Variants in PCDHGA3 observed in about 807,000 individuals in gnomAD.
PCDHGA3 encodes protocadherin gamma subfamily A, 3.
PCDHGA3 carries 40 observed loss-of-function variants against 58.5 expected under a neutral mutation model. The observed-to-expected ratio is 0.68, with a 90% CI of 0.53 to 0.89. The LOEUF (loss-of-function observed/expected upper bound fraction) is 0.89, where lower values mean the gene tolerates loss of function less well. PCDHGA3 is among the 40% of genes least tolerant of loss of function. The pLI, the probability that PCDHGA3 is intolerant of heterozygous loss-of-function variation, is 0.00. For missense variants in PCDHGA3, 1,223 were observed against 1,195.9 expected (o/e 1.02, Z -0.33); for synonymous variants, 530 against 525.7 (o/e 1.01, Z -0.11).
chr5:141,454,948 C>T (rs2098807728), intron 1 of PCDHGA3, among the ~76,000 whole-genome samples: 1 of 151,548 alleles, frequency 6.6e-6, no homozygotes, highest in Non-Finnish European at 1.5e-5. Flanking sequence ...GCTGGGACTA[C>T]AGGCGCCGGC....
Position 141,420,431 on chromosome 5 carries a change from A to G in PCDHGA3, c.2424+73974A>G, listed in dbSNP as rs183252328. 8.4e-5 allele frequency: 96 copies of G among 1,148,758 alleles called. No individual in the cohort carries two copies. In the African/African-American group the frequency reaches 1.3e-3, roughly 16 times the overall value. The allele number at this position is 1,148,758 out of a possible 1,614,324, so 71.2% of individuals were successfully genotyped here. Reference sequence around the variant, plus strand: ...TATCATTATTAAAACAAAAGTTTAAATTAAATGCCTCAGTCTTCCTACTAT... The same window carrying G: ...TATCATTATTAAAACAAAAGTTTAAGTTAAATGCCTCAGTCTTCCTACTAT... On this transcript the variant is annotated intron_variant, in intron 1 of 3. Transcript: ENST00000253812.
chr5:141,403,961 G>T (rs763967342), intron 1 of PCDHGA3: 14 of 1,613,774 alleles, frequency 8.7e-6, no homozygotes, highest in Middle Eastern at 1.6e-4. Context: ...GCTCATTTCG[G>T]TGGAAGATGT....
Position 141,489,752 on chromosome 5 carries a change from C to G in PCDHGA3, c.2425-5055C>G. ...GGCACCAATACTGTGAGCTTTTACA[C>G]TCTAAGCCCCAACAGCCACTTCTCT... On this transcript the variant is annotated intron_variant, in intron 1 of 3. Coordinates refer to ENST00000253812, the MANE Select transcript of PCDHGA3 (RefSeq NM_018916.4). This position sits in a 1 kb window ranked among gnomAD's most constrained non-coding sequence, Gnocchi z 4.5. The G allele has an allele frequency of 6.2e-7, 1 of 1,614,136 alleles. No individual in the cohort carries two copies. The highest frequency in any genetic ancestry group is 8.5e-7 in the Non-Finnish European group (1 of 1,179,972).
chr5:141,410,885 G>A (rs970749503), intron 1 of PCDHGA3: 7 of 287,302 alleles, frequency 2.4e-5, no homozygotes, highest in African/African-American at 1.6e-4. Context: ...ATGGAGTCTC[G>A]CACTGTTGCC....
intron 1 of PCDHGA3, chr5:141,357,390 C>T (rs367807527): frequency 3.1e-6 from 5 of 1,614,122 alleles, no homozygotes; most frequent in Non-Finnish European, 4.2e-6. Flanking sequence ...CTGAAGGCAG[C>T]AGGTTGGCAG....
At chr5:141,478,050 CG>C in intron 1 of PCDHGA3, 1 of 1,614,184 alleles carries the variant, frequency 6.2e-7, no homozygotes, top group Non-Finnish European at 8.5e-7. Context: ...CAGACTCTCA[CG>C]GTCTTGATCA....
chr5:141,500,403 G>GT (rs2099800018), intron 2 of PCDHGA3, among the ~76,000 whole-genome samples: 1 of 151,706 alleles, frequency 6.6e-6, no homozygotes, highest in Non-Finnish European at 1.5e-5. Context: ...TAGAGACGGG[G>GT]TTTCACCGTG....
At chr5:141,481,390 G>A (rs553179819) in intron 1 of PCDHGA3, among the ~76,000 whole-genome samples, 2 of 152,346 alleles carry the variant, frequency 1.3e-5, no homozygotes, top group East Asian at 3.9e-4. Context: ...TTGGAGGGAT[G>A]TGACAAAATT....
chr5:141,352,127 C>A (rs953232371), intron 1 of PCDHGA3: 2 of 1,610,122 alleles, frequency 1.2e-6, no homozygotes, highest in Non-Finnish European at 1.7e-6. Context: ...GGGTGAGGTG[C>A]GCACAGCGCG....
chr5:141,346,312 C>G lies in PCDHGA3; in HGVS notation c.2279C>G (p.Thr760Ser). The change falls in exon 1 of 4, where the codon ACT becomes AGT. Residue 760 changes from threonine to serine, a missense_variant. Around this residue, in one of 3 missense-constraint regions of PCDHGA3, gnomAD observed 325 missense variants for 327.5 expected, o/e 0.99. Coordinates refer to ENST00000253812, the MANE Select transcript of PCDHGA3 (RefSeq NM_018916.4). ...LQTYSHEVSL[T>S]ADSRKSHLIF... is the part of the protein sequence containing the mutation. ...ACCTATTCCCACGAGGTCTCCCTCA[C>G]TGCGGACTCGCGGAAGAGCCACCTG... 2.5e-6 allele frequency: 4 copies of G among 1,614,244 alleles called. No individual in the cohort carries two copies. Among genetic ancestry groups the G allele is most frequent in the Non-Finnish European group, 3.4e-6 (4 of 1,180,040 alleles).
intron 1 of PCDHGA3, chr5:141,422,008 C>T (rs767148055): frequency 1.2e-5 from 20 of 1,609,502 alleles, no homozygotes; most frequent in Admixed American, 5.1e-5. Context: ...CTCCGGAACT[C>T]GGGTGCTGAT....
chr5:141,371,043 G>A, intron 1 of PCDHGA3: 1 of 1,613,966 alleles, frequency 6.2e-7, no homozygotes, highest in Non-Finnish European at 8.5e-7. Context: ...AGCTGTGGAT[G>A]GGGGCGAGCC....
At chr5:141,509,322 C>G (rs563556144) in intron 3 of PCDHGA3, among the ~76,000 whole-genome samples, 1 of 152,318 alleles carries the variant, frequency 6.6e-6, no homozygotes, top group East Asian at 1.9e-4. Flanking sequence ...GAGAGAAGCT[C>G]TACTGCCAGC....
Position 141,512,554 on chromosome 5 carries a change from T to TAG in PCDHGA3, c.*1383_*1384dup, listed in dbSNP as rs2099884300. ...AAGTTCCCCAGTGCCTCCTTGTGCA[T>TAG]AGACCTTCTTCTCCCACCCCCTTCT... is the stretch of plus-strand genomic sequence containing the variant. On this transcript the variant is annotated 3_prime_UTR_variant, in exon 4 of 4. Coordinates refer to ENST00000253812, the MANE Select transcript of PCDHGA3 (RefSeq NM_018916.4). 6.5e-6 allele frequency: 1 copy of TAG among 153,012 alleles called. No homozygotes were observed. Among genetic ancestry groups the TAG allele is most frequent in the Non-Finnish European group, 1.5e-5 (1 of 68,482 alleles). 9.5% of individuals were successfully genotyped at this position (153,012 alleles called of 1,614,324 possible).
chr5:141,374,039 G>A, intron 1 of PCDHGA3: 1 of 1,456,944 alleles, frequency 6.9e-7, no homozygotes, highest in Non-Finnish European at 9.1e-7. Flanking sequence ...ATGCAGATCT[G>A]TTCTTCCTCT....
Position 141,477,914 on chromosome 5 carries a change from G to T in PCDHGA3, c.2425-16893G>T. On this transcript the variant is annotated intron_variant, in intron 1 of 3. Coordinates refer to ENST00000253812, the MANE Select transcript of PCDHGA3 (RefSeq NM_018916.4). The surrounding 1 kb of genome is among the most constrained non-coding windows in gnomAD (Gnocchi z 4.9). ...ACGGGTGGTAGGCTGGGACGCGGAT[G>T]CAGGGCACAATGCCTGGCTCTCCTA... 2 of 1,614,204 alleles carry T rather than the reference G, an allele frequency of 1.2e-6. No homozygotes were observed. The highest frequency in any genetic ancestry group is 1.7e-6 in the Non-Finnish European group (2 of 1,180,044).
chr5:141,486,561 T>C lies in PCDHGA3; in HGVS notation c.2425-8246T>C. ...TTCTTTCAGAGGTCACATGAGGTGT[T>C]TGTTCCTGAGAACAATCGCCCAGGG... On this transcript the variant is annotated intron_variant, in intron 1 of 3. Transcript: ENST00000253812. This position sits in a 1 kb window ranked among gnomAD's most constrained non-coding sequence, Gnocchi z 5.0. 6.2e-7 allele frequency: 1 copy of C among 1,614,076 alleles called. No individual in the cohort carries two copies. Among genetic ancestry groups the C allele is most frequent in the Non-Finnish European group, 8.5e-7 (1 of 1,180,030 alleles).
intron 1 of PCDHGA3, chr5:141,428,054 G>A (rs763394113): frequency 6.2e-7 from 1 of 1,609,038 alleles, no homozygotes; most frequent in Admixed American, 1.7e-5. Context: ...CCAAGGTGGT[G>A]GCGGTGGACG....
At chr5:141,509,481 A>G (rs2099877035) in intron 3 of PCDHGA3, among the ~76,000 whole-genome samples, 1 of 152,010 alleles carries the variant, frequency 6.6e-6, no homozygotes, top group Admixed American at 6.6e-5. Flanking sequence ...TGAGGGGTAG[A>G]GGTGATGGCA....
Sources: gnomAD v4.1 joint callset for allele counts (sites outside exome capture counted in the v4.1 genomes callset) on GRCh38, gnomAD v4.1.1 for gene constraint, gnomAD v4.1.1 regional missense constraint, Gnocchi (gnomAD v3.1) non-coding constraint, MANE v1.5 for transcripts, NCBI Gene and HGNC (gene_info 2026-07-23, HGNC 2026-07-21) for gene names.